Variants in SPTLC3 observed in about 807,000 individuals in gnomAD.
The protein encoded by SPTLC3 is serine palmitoyltransferase long chain base subunit 3.
Under a neutral mutation model 59.3 loss-of-function variants are expected in SPTLC3, and 36 were observed. The ratio of observed to expected loss-of-function variants is 0.61; its 90% CI spans 0.47 to 0.80. The LOEUF is 0.80. SPTLC3 is among the 30% of genes least tolerant of loss of function. The probability of loss-of-function intolerance (pLI) is 0.00; values close to 1 mark genes in which losing one functional copy is unlikely to be tolerated. For missense variants in SPTLC3, 625 were observed against 685.1 expected (o/e 0.91, Z 0.98); for synonymous variants, 257 against 240.8 (o/e 1.07, Z -0.62).
chr20:13,036,315 C>T (rs1986733120), intron 1 of SPTLC3, among the ~76,000 whole-genome samples: 1 of 151,922 alleles, frequency 6.6e-6, no homozygotes, highest in South Asian at 2.1e-4. Context: ...CCTCTTTCAT[C>T]TCTGCCACCC....
chr20:13,140,735 CTA>C (rs1410796166), intron 9 of SPTLC3, among the ~76,000 whole-genome samples: 1 of 152,086 alleles, frequency 6.6e-6, no homozygotes, highest in South Asian at 2.1e-4. Context: ...TTTTAAGTAA[CTA>C]TTAATTTTTG....
At chr20:13,051,516 A>C (rs1323991875) in intron 2 of SPTLC3, among the ~76,000 whole-genome samples, 1 of 152,254 alleles carries the variant, frequency 6.6e-6, no homozygotes, top group African/African-American at 2.4e-5. Context: ...CACTGACAGC[A>C]CTAGACAGGT....
intron 1 of SPTLC3, among the ~76,000 whole-genome samples, chr20:13,023,187 T>C (rs1282291710): frequency 6.6e-6 from 1 of 151,914 alleles, no homozygotes; most frequent in African/African-American, 2.4e-5. Flanking sequence ...CTTTCTAAAA[T>C]TGCAACCCAC....
chr20:13,129,029 AC>A (rs2038059622), intron 9 of SPTLC3, among the ~76,000 whole-genome samples: 1 of 151,820 alleles, frequency 6.6e-6, no homozygotes, highest in Non-Finnish European at 1.5e-5. Flanking sequence ...GGTGTCCCCC[AC>A]CATGCCTGGC....
At chr20:13,057,582 C>T (rs1430694691) in intron 2 of SPTLC3, among the ~76,000 whole-genome samples, 1 of 152,226 alleles carries the variant, frequency 6.6e-6, no homozygotes, top group East Asian at 1.9e-4. Flanking sequence ...TCTGATCATC[C>T]TCTTTATCTG....
chr20:13,048,006 C>A (rs1291605737), intron 1 of SPTLC3, among the ~76,000 whole-genome samples: 1 of 152,090 alleles, frequency 6.6e-6, no homozygotes, highest in Non-Finnish European at 1.5e-5. Flanking sequence ...ATCTTTCCTA[C>A]TACAATTAAT....
chr20:13,010,831 T>C (rs1455895890), intron 1 of SPTLC3, among the ~76,000 whole-genome samples: 1 of 152,218 alleles, frequency 6.6e-6, no homozygotes, highest in Admixed American at 6.5e-5. Context: ...CTTTTATTTA[T>C]TTTATCTTGG....
At chr20:13,134,059 A>G (rs995403046) in intron 9 of SPTLC3, among the ~76,000 whole-genome samples, 3 of 152,216 alleles carry the variant, frequency 2.0e-5, no homozygotes, top group African/African-American at 7.2e-5. Context: ...TCTGCCATAC[A>G]GGGTCATTCT....
intron 1 of SPTLC3, among the ~76,000 whole-genome samples, chr20:13,017,898 C>T (rs888347344): frequency 1.2e-4 from 19 of 152,278 alleles, no homozygotes; most frequent in Admixed American, 1.0e-3. Context: ...CAAGAAGACT[C>T]GCAGCTTGAA....
intron 8 of SPTLC3, among the ~76,000 whole-genome samples, chr20:13,118,125 G>A (rs6078921): frequency 1.3e-5 from 2 of 152,192 alleles, no homozygotes; most frequent in East Asian, 3.9e-4. Context: ...GAAGTGATAA[G>A]GGATGTTCTG....
chr20:13,038,153 A>G (rs546993825), intron 1 of SPTLC3, among the ~76,000 whole-genome samples: 1 of 151,846 alleles, frequency 6.6e-6, no homozygotes, highest in South Asian at 2.1e-4. Flanking sequence ...AGTTTTCTTT[A>G]TCTGTGATGT....
chr20:13,147,288 A>T (rs557981130), intron 9 of SPTLC3, among the ~76,000 whole-genome samples: 2 of 152,104 alleles, frequency 1.3e-5, no homozygotes, highest in South Asian at 4.2e-4. Context: ...CTCTTAGCAA[A>T]CCACTCCAAA....
chr20:13,045,021 A>T (rs1304331165), intron 1 of SPTLC3, among the ~76,000 whole-genome samples: 1 of 116,680 alleles, frequency 8.6e-6, no homozygotes, highest in Non-Finnish European at 2.0e-5. Context: ...ACACACACAC[A>T]CACACACACA....
chr20:13,054,268 G>A (rs938672877), intron 2 of SPTLC3, among the ~76,000 whole-genome samples: 1 of 152,094 alleles, frequency 6.6e-6, no homozygotes, highest in African/African-American at 2.4e-5. Context: ...GACTATAATG[G>A]GTTCTTTTAG....
At chr20:13,025,326 C>T (rs1349792716) in intron 1 of SPTLC3, among the ~76,000 whole-genome samples, 1 of 152,134 alleles carries the variant, frequency 6.6e-6, no homozygotes, top group Non-Finnish European at 1.5e-5. Flanking sequence ...CTCCTAATAT[C>T]ACGTAACCTC....
intron 1 of SPTLC3, among the ~76,000 whole-genome samples, chr20:13,023,499 T>C (rs1456214608): frequency 6.6e-6 from 1 of 152,198 alleles, no homozygotes; most frequent in Non-Finnish European, 1.5e-5. Context: ...TATCTGTTTT[T>C]ACAAATCTGT....
At chr20:13,107,594 A>G (rs1989975602) in intron 6 of SPTLC3, among the ~76,000 whole-genome samples, 1 of 152,126 alleles carries the variant, frequency 6.6e-6, no homozygotes, top group Non-Finnish European at 1.5e-5. Context: ...GCAGATAAAA[A>G]GAGAAAAAAA....
intron 7 of SPTLC3, among the ~76,000 whole-genome samples, chr20:13,116,876 C>T (rs1203769468): frequency 6.6e-6 from 1 of 152,012 alleles, no homozygotes; most frequent in Non-Finnish European, 1.5e-5. Context: ...TTAACAAATC[C>T]TTCAGAGGAT....
intron 9 of SPTLC3, among the ~76,000 whole-genome samples, chr20:13,141,793 G>A (rs957178281): frequency 1.3e-5 from 2 of 152,216 alleles, no homozygotes; most frequent in Non-Finnish European, 2.9e-5. Context: ...TTGGTGCTAT[G>A]CTCCACTGGC....
Sources: gnomAD v4.1 joint callset for allele counts (sites outside exome capture counted in the v4.1 genomes callset) on GRCh38, gnomAD v4.1.1 for gene constraint, MANE v1.5 for transcripts, NCBI Gene and HGNC (gene_info 2026-07-23, HGNC 2026-07-21) for gene names.